Variants in LHFPL3 observed in about 807,000 individuals in gnomAD.
The protein encoded by LHFPL3 is LHFPL tetraspan subfamily member 3.
A neutral mutation model predicts 19.3 loss-of-function variants in LHFPL3; 5 were observed. The ratio of observed to expected loss-of-function variants is 0.26; its 90% CI spans 0.14 to 0.54. The LOEUF is 0.54. LHFPL3 is among the 20% of genes least tolerant of loss of function. The pLI is 0.94. For synonymous variants in LHFPL3, 133 were observed against 126.2 expected, an observed-to-expected ratio of 1.05 and a Z score of -0.36; for missense variants, 249 against 307.4, an observed-to-expected ratio of 0.81 and a Z score of 1.42.
chr7:104,891,716 A>C (rs1436018848), intron 2 of LHFPL3, among the ~76,000 whole-genome samples: 1 of 152,262 alleles, frequency 6.6e-6, no homozygotes, highest in Non-Finnish European at 1.5e-5. Flanking sequence ...GTGGAAGAAG[A>C]ATGTCCTATT....
At position 104,328,638 on chromosome 7, in the gene LHFPL3, A is replaced by G; in HGVS notation, c.-142A>G. ...CCTCCTTCCGGGAGCGAGGATGCAG[A>G]CTCTGAAACTGGTGCTGCTGGGCTG... On this transcript the variant is annotated 5_prime_UTR_variant, in exon 1 of 3. Coordinates refer to ENST00000424859, the MANE Select transcript of LHFPL3 (RefSeq NM_199000.3). This position sits in a 1 kb window ranked among gnomAD's most constrained non-coding sequence, Gnocchi z 4.6. 5 of 720,364 alleles carry G rather than the reference A, an allele frequency of 6.9e-6. No homozygotes were observed. Among genetic ancestry groups the G allele is most frequent in the Non-Finnish European group, 9.1e-6 (4 of 438,974 alleles). The allele number at this position is 720,364 out of a possible 1,614,324, so 44.6% of individuals were successfully genotyped here. A position where few individuals can be genotyped will look rare whatever the true frequency, so the allele number is the denominator to read the frequency against.
intron 1 of LHFPL3, 108 bp downstream of exon 1, chr7:104,329,332 C>A (rs1801525889): frequency 1.4e-6 from 2 of 1,390,858 alleles, no homozygotes; most frequent in South Asian, 1.4e-5. Context: ...CGAGCCAAGC[C>A]GCCTAATCCG....
At chr7:104,842,588 C>T (rs896628456) in intron 2 of LHFPL3, among the ~76,000 whole-genome samples, 4 of 152,172 alleles carry the variant, frequency 2.6e-5, no homozygotes, top group Admixed American at 6.5e-5. Flanking sequence ...CTCCTCAACA[C>T]AAAAAGCGTA....
intron 2 of LHFPL3, among the ~76,000 whole-genome samples, chr7:104,868,029 C>A (rs1223952074): frequency 7.8e-6 from 1 of 128,820 alleles, no homozygotes; most frequent in Non-Finnish European, 1.7e-5. Context: ...AATTCAACAA[C>A]CCTTCATGCT....
At chr7:104,397,536 C>T (rs1312774245) in intron 1 of LHFPL3, among the ~76,000 whole-genome samples, 1 of 152,118 alleles carries the variant, frequency 6.6e-6, no homozygotes, top group Non-Finnish European at 1.5e-5. Flanking sequence ...AGTCTTCAGC[C>T]ACTTCATATA....
At chr7:104,783,632 G>A (rs1404172569) in intron 2 of LHFPL3, among the ~76,000 whole-genome samples, 1 of 152,164 alleles carries the variant, frequency 6.6e-6, no homozygotes, top group Non-Finnish European at 1.5e-5. Context: ...AGATTCTGAG[G>A]AGGTACAGGA....
chr7:104,806,013 G>T (rs1790354499), intron 2 of LHFPL3, among the ~76,000 whole-genome samples: 1 of 152,206 alleles, frequency 6.6e-6, no homozygotes, highest in Admixed American at 6.5e-5. Flanking sequence ...GACAGGTGGT[G>T]CATTTATGGT....
At chr7:104,443,769 C>T (rs1307973524) in intron 1 of LHFPL3, among the ~76,000 whole-genome samples, 1 of 152,216 alleles carries the variant, frequency 6.6e-6, no homozygotes, top group Non-Finnish European at 1.5e-5. Context: ...TCCTCACTTC[C>T]TGCATGTTGC....
At chr7:104,466,625 C>G (rs554030782) in intron 1 of LHFPL3, among the ~76,000 whole-genome samples, 3 of 152,206 alleles carry the variant, frequency 2.0e-5, no homozygotes, top group Non-Finnish European at 4.4e-5. Context: ...GCCAATGTTT[C>G]TATCAGTTAT....
At chr7:104,506,872 T>C (rs41043) in intron 1 of LHFPL3, among the ~76,000 whole-genome samples, 21,142 of 152,128 alleles carry the variant, frequency 0.14, 1,600 homozygotes, top group East Asian at 0.21. Context: ...GACTGAGGAA[T>C]AGAAGTACAA....
At chr7:104,489,966 T>TA (rs1278928950) in intron 1 of LHFPL3, among the ~76,000 whole-genome samples, 1 of 152,192 alleles carries the variant, frequency 6.6e-6, no homozygotes, top group Non-Finnish European at 1.5e-5. Context: ...ACTGCAGGTC[T>TA]AACTGATATG....
At chr7:104,721,867 A>G (rs1793498847) in intron 1 of LHFPL3, among the ~76,000 whole-genome samples, 1 of 152,210 alleles carries the variant, frequency 6.6e-6, no homozygotes, top group African/African-American at 2.4e-5. Flanking sequence ...TACATGGTAA[A>G]TGTTCAATAA....
chr7:104,593,911 A>G (rs1209625496), intron 1 of LHFPL3, among the ~76,000 whole-genome samples: 2 of 151,942 alleles, frequency 1.3e-5, no homozygotes, highest in Non-Finnish European at 2.9e-5. Context: ...ATCGTCCTCC[A>G]TCCCTTTATT....
intron 1 of LHFPL3, among the ~76,000 whole-genome samples, chr7:104,592,242 C>T (rs1199185780): frequency 6.6e-6 from 1 of 152,094 alleles, no homozygotes; most frequent in East Asian, 1.9e-4. Context: ...GGTTTCTCCC[C>T]ATGTTTGTGG....
intron 2 of LHFPL3, among the ~76,000 whole-genome samples, chr7:104,832,878 G>A (rs1205732389): frequency 2.8e-5 from 4 of 143,624 alleles, no homozygotes; most frequent in Non-Finnish European, 6.0e-5. Context: ...TCAGGGGGCT[G>A]AGGCAGGAGA....
In LHFPL3 at chr7:104,409,405, G is replaced by C. The variant is rs74425248; in HGVS notation, c.445+80181G>C. On this transcript the variant is annotated intron_variant, in intron 1 of 2. Coordinates refer to ENST00000424859, the MANE Select transcript of LHFPL3 (RefSeq NM_199000.3). The stretch of plus-strand genomic sequence containing the variant: ...TTGGGTGACCCCTTGGTGTTGCCTG[G>C]ATTCTCAGAAGACTCATTTCTGTGG... Among the ~76,000 whole-genome samples, 907 of 151,880 alleles carry C rather than the reference G, an allele frequency of 6.0e-3. 73 individuals carry two copies. In the East Asian group the frequency reaches 0.16, roughly 26 times the overall value.
intron 2 of LHFPL3, among the ~76,000 whole-genome samples, chr7:104,853,939 A>G (rs1584577418): frequency 6.6e-6 from 1 of 152,224 alleles, no homozygotes; most frequent in East Asian, 1.9e-4. Flanking sequence ...ACCAGAGAAA[A>G]AAAGGAAGAA....
chr7:104,563,645 G>C (rs1790062960), intron 1 of LHFPL3, among the ~76,000 whole-genome samples: 1 of 152,254 alleles, frequency 6.6e-6, no homozygotes, highest in Admixed American at 6.5e-5. Context: ...CCCGTCTTCT[G>C]TGTTGCTCAG....
chr7:104,854,927 G>A (rs1482187754), intron 2 of LHFPL3, among the ~76,000 whole-genome samples: 1 of 152,098 alleles, frequency 6.6e-6, no homozygotes, highest in Non-Finnish European at 1.5e-5. Flanking sequence ...ACTCTCCATT[G>A]ACTATTAACG....
Sources: gnomAD v4.1 joint callset for allele counts (sites outside exome capture counted in the v4.1 genomes callset) on GRCh38, gnomAD v4.1.1 for gene constraint, Gnocchi (gnomAD v3.1) non-coding constraint, MANE v1.5 for transcripts, NCBI Gene and HGNC (gene_info 2026-07-23, HGNC 2026-07-21) for gene names.